Variants in TNPO3 observed in about 807,000 individuals in gnomAD.
The protein encoded by TNPO3 is transportin-3.
A neutral mutation model predicts 122.8 loss-of-function variants in TNPO3; 65 were observed. That is an observed-to-expected ratio of 0.53 (90% CI 0.43 to 0.65). The LOEUF (loss-of-function observed/expected upper bound fraction) is 0.65, where lower values mean the gene tolerates loss of function less well. TNPO3 is among the 30% of genes least tolerant of loss of function. The pLI is 0.00. For synonymous variants in TNPO3, 372 were observed against 411.2 expected, an observed-to-expected ratio of 0.90 and a Z score of 1.15; for missense variants, 850 against 1,136.7, an observed-to-expected ratio of 0.75 and a Z score of 3.63.
rs1351717097 is a variant in TNPO3, at chr7:128,954,536, C to CCCCACCCA, written c.*873_*880dup. 1 of 138,220 alleles carries CCCCACCCA rather than the reference C, an allele frequency of 7.2e-6. No individual in the cohort carries two copies. The highest frequency in any genetic ancestry group is 2.7e-5 in the African/African-American group (1 of 37,342). The allele number at this position is 138,220 out of a possible 1,614,324, so 8.6% of individuals were successfully genotyped here. ...AACTTACACATTTATATCCTGCACT[C>CCCCACCCA]CCCACCCACCCGCCCACCCCAGTTT... On this transcript the variant is annotated 3_prime_UTR_variant, in exon 23 of 23. Coordinates refer to ENST00000265388, the MANE Select transcript of TNPO3 (RefSeq NM_012470.4).
intron 8 of TNPO3, among the ~76,000 whole-genome samples, chr7:128,994,181 G>A (rs1030639188): frequency 3.3e-5 from 5 of 151,786 alleles, no homozygotes; most frequent in East Asian, 1.9e-4. Context: ...TTTTTGAGAC[G>A]GAAGCTCACT....
intron 11 of TNPO3, among the ~76,000 whole-genome samples, chr7:128,987,784 G>A (rs1382918010): frequency 6.6e-6 from 1 of 151,808 alleles, no homozygotes; most frequent in Non-Finnish European, 1.5e-5. Context: ...TCACCACATT[G>A]GCCAGGCTGG....
intron 18 of TNPO3, 99 bp from the exon 19 acceptor site, chr7:128,972,681 T>C: frequency 2.7e-6 from 3 of 1,119,396 alleles, no homozygotes; most frequent in Non-Finnish European, 3.8e-6. Flanking sequence ...AAAAGATCAG[T>C]GGTTGGTGGG....
intron 10 of TNPO3, among the ~76,000 whole-genome samples, chr7:128,990,984 AAT>A (rs1214371977): frequency 6.6e-6 from 1 of 152,240 alleles, no homozygotes; most frequent in African/African-American, 2.4e-5. Context: ...AAACAAAAAA[AAT>A]ATCAAATCTC....
In TNPO3 at chr7:128,992,009, T is replaced by C; in HGVS notation, c.1348A>G (p.Ser450Gly). ...VLFIMAAIAKSVDPENNPTLV... is the reference protein window; with the variant it reads ...VLFIMAAIAKGVDPENNPTLV... ...TTATGAGACACTCACGGATCAACACTCTTTGCTATAGCAGCCATGATAAAG... is the reference window on the plus strand; with the variant it reads ...TTATGAGACACTCACGGATCAACACCCTTTGCTATAGCAGCCATGATAAAG... The change falls in exon 10 of 23, where the codon AGT (serine) becomes GGT (glycine). Residue 450 changes from serine (S) to glycine (G), a missense_variant. Coordinates refer to ENST00000265388, the MANE Select transcript of TNPO3 (RefSeq NM_012470.4). 1 of 1,606,894 alleles carries C rather than the reference T, an allele frequency of 6.2e-7. No homozygotes were observed. Among genetic ancestry groups the C allele is most frequent in the Non-Finnish European group, 8.5e-7 (1 of 1,176,922 alleles).
At chr7:129,015,706 A>G (rs1387749769) in intron 3 of TNPO3, among the ~76,000 whole-genome samples, 1 of 152,046 alleles carries the variant, frequency 6.6e-6, no homozygotes, top group African/African-American at 2.4e-5. Flanking sequence ...GGTGGTATGC[A>G]TCTGTAATCC....
intron 1 of TNPO3, among the ~76,000 whole-genome samples, chr7:129,032,567 A>T (rs928398342): frequency 6.6e-6 from 1 of 152,222 alleles, no homozygotes; most frequent in African/African-American, 2.4e-5. Context: ...TCTACATACT[A>T]ACAATGAAAA....
rs931643529 is a variant in TNPO3 at position 129,019,345 on chromosome 7, T to A, written c.121-1188A>T. On this transcript the variant is annotated intron_variant, in intron 1 of 22. Transcript: ENST00000265388. Reference sequence around the variant, plus strand: ...TTTCAACCTCAATTTAGGAATAGTGTCTATTGTAAAGAGAAGGGGTCAATT... The same window carrying A: ...TTTCAACCTCAATTTAGGAATAGTGACTATTGTAAAGAGAAGGGGTCAATT... Among the ~76,000 whole-genome samples, 41 of 152,282 alleles carry A rather than the reference T, an allele frequency of 2.7e-4. 1 individual carries two copies. The highest frequency in any genetic ancestry group is 8.4e-4 in the African/African-American group (35 of 41,570).
At chr7:129,010,464 G>A (rs1352934225) in intron 4 of TNPO3, among the ~76,000 whole-genome samples, 2 of 152,032 alleles carry the variant, frequency 1.3e-5, no homozygotes, top group African/African-American at 4.8e-5. Context: ...CACATTGCCT[G>A]GCCCATAATG....
At chr7:128,979,361 T>G (rs2272347) in intron 15 of TNPO3, among the ~76,000 whole-genome samples, 1 of 151,968 alleles carries the variant, frequency 6.6e-6, no homozygotes, top group Non-Finnish European at 1.5e-5. Flanking sequence ...CTTTGCTAAA[T>G]GACAGAGATA....
chr7:129,010,341 A>AT (rs976827803), intron 4 of TNPO3, among the ~76,000 whole-genome samples: 30 of 149,080 alleles, frequency 2.0e-4, no homozygotes, highest in Non-Finnish European at 2.5e-4. Context: ...TTAATGTATT[A>AT]TTTTTTTTTT....
At chr7:128,981,288 T>G (rs1048745533) in intron 14 of TNPO3, among the ~76,000 whole-genome samples, 1 of 152,232 alleles carries the variant, frequency 6.6e-6, no homozygotes, top group African/African-American at 2.4e-5. Flanking sequence ...ATGATTACTA[T>G]AACATTCCAG....
At position 128,986,873 on chromosome 7, in the gene TNPO3, C is replaced by T; in HGVS notation, c.1546G>A (p.Ala516Thr). Residue 516 changes from alanine (A) to threonine (T), a missense_variant, in exon 12 of 23, where the codon GCT (alanine) becomes ACT (threonine). Coordinates refer to ENST00000265388, the MANE Select transcript of TNPO3 (RefSeq NM_012470.4). ...TGAATGGCTTTGGCTGCAGCAGAAG[C>T]CAGGGGCTTTTCACACAGGCCTTTC... The part of the protein sequence containing the change: ...LMKGLCEKPL[A>T]SAAAKAIHNI... 2.5e-6 allele frequency: 4 copies of T among 1,613,724 alleles called. No homozygotes were observed. In the South Asian group the frequency reaches 4.4e-5, roughly 18 times the overall value.
At chr7:128,972,316 C>G in intron 19 of TNPO3, 110 bp downstream of exon 19, 1 of 1,233,906 alleles carries the variant, frequency 8.1e-7, no homozygotes, top group South Asian at 1.5e-5. Flanking sequence ...ATATGTCTAC[C>G]AATATAGATC....
intron 21 of TNPO3, among the ~76,000 whole-genome samples, chr7:128,963,720 C>T (rs553356708): frequency 1.3e-4 from 20 of 152,304 alleles, no homozygotes; most frequent in African/African-American, 4.8e-4. Context: ...AACAAAATTG[C>T]TGGAGACATT....
chr7:129,031,372 TACCAATTTTACA>T, intron 1 of TNPO3, among the ~76,000 whole-genome samples: 1 of 152,178 alleles, frequency 6.6e-6, no homozygotes, highest in African/African-American at 2.4e-5. Context: ...AGGATATTAC[TACCAATTTTACA>T]GAAATAAAAA....
At position 128,980,025 on chromosome 7, in the gene TNPO3, G is replaced by A. The variant is rs1249371999; in HGVS notation, c.1866C>T (p.Thr622=). Residue 622 remains threonine (T), a synonymous_variant, in exon 15 of 23, where the codon ACC becomes ACT. Coordinates refer to ENST00000265388, the MANE Select transcript of TNPO3 (RefSeq NM_012470.4). ...TCTGTCCATTTTCCACAATGGGATTGGTATGCCTGGGAAAAGACAACAGCC... is the reference window on the plus strand; with the variant it reads ...TCTGTCCATTTTCCACAATGGGATTAGTATGCCTGGGAAAAGACAACAGCC... The part of the protein sequence containing the change: ...LDRLAVIFRH[T]NPIVENGQTH... 1.2e-6 allele frequency: 2 copies of A among 1,614,048 alleles called. No individual in the cohort carries two copies. The highest frequency in any genetic ancestry group is 1.7e-6 in the Non-Finnish European group (2 of 1,179,960).
rs181677191 is a variant in TNPO3 at position 129,014,751 on chromosome 7, C to T, written c.552+228G>A. ...ATTAACAGTTGTGTAACTCTAAAGT[C>T]CATTTTTCATTCATAAAAGAGATAA... On this transcript the variant is annotated intron_variant, in intron 4 of 22. Transcript: ENST00000265388. Among the ~76,000 whole-genome samples the T allele has an allele frequency of 2.6e-5, 4 of 152,240 alleles. No individual in the cohort carries two copies. The East Asian group carries it at 7.7e-4, about 29-fold the overall frequency.
intron 1 of TNPO3, among the ~76,000 whole-genome samples, chr7:129,035,799 G>A (rs73228755): frequency 0.28 from 42,733 of 151,842 alleles, 6,965 homozygotes; most frequent in Middle Eastern, 0.37. Flanking sequence ...ACAAATTATC[G>A]TCTATGCAGT....
Sources: gnomAD v4.1 joint callset for allele counts (sites outside exome capture counted in the v4.1 genomes callset) on GRCh38, gnomAD v4.1.1 for gene constraint, MANE v1.5 for transcripts, NCBI Gene and HGNC (gene_info 2026-07-23, HGNC 2026-07-21) for gene names.